Variants in NDUFS1 observed in about 807,000 individuals in gnomAD.
The protein encoded by NDUFS1 is NADH-ubiquinone oxidoreductase 75 kDa subunit, mitochondrial.
In NDUFS1, 61 loss-of-function variants were observed where a neutral mutation model predicts 84.4. The ratio of observed to expected loss-of-function variants is 0.72; its 90% CI spans 0.59 to 0.89. NDUFS1 has a LOEUF of 0.89. Ranked by LOEUF, NDUFS1 falls within the 40% of genes least tolerant of loss-of-function variation. NDUFS1 has a pLI of 0.00. For missense variants in NDUFS1, 891 were observed against 890.0 expected (o/e 1.00, Z -0.01); for synonymous variants, 275 against 290.0 (o/e 0.95, Z 0.53).
intron 1 of NDUFS1, among the ~76,000 whole-genome samples, chr2:206,156,296 G>T (rs1017533570): frequency 6.8e-6 from 1 of 146,942 alleles, no homozygotes; most frequent in Non-Finnish European, 1.5e-5. Context: ...AAATTGGACA[G>T]GAGAGGTGGC....
intron 14 of NDUFS1, among the ~76,000 whole-genome samples, chr2:206,130,586 C>T (rs989391738): frequency 2.0e-5 from 3 of 152,148 alleles, no homozygotes; most frequent in Non-Finnish European, 4.4e-5. Context: ...AACTCTTGAC[C>T]TCAGGTGATC....
chr2:206,127,766 G>T, intron 16 of NDUFS1, 31 bp downstream of exon 16: 1 of 1,608,078 alleles, frequency 6.2e-7, no homozygotes, highest in East Asian at 2.2e-5. Flanking sequence ...GCCTTTAGTA[G>T]CATCACTAAG....
rs780447984 is a variant in NDUFS1 at position 206,152,472 on chromosome 2, CTTCA to C, written c.96_99del (p.Ile32MetfsTer57). ...ATGACAGACTGACCATCAACAAATA[CTTCA>C]ATCAAGTTGCTTGCTGCTGTGGCAG... is the stretch of plus-strand genomic sequence containing the variant. On this transcript the variant is annotated frameshift_variant, in exon 3 of 19. Coordinates refer to ENST00000233190, the MANE Select transcript of NDUFS1 (RefSeq NM_005006.7). LOFTEE classifies it high-confidence loss of function. 1 of 1,614,114 alleles carries C rather than the reference CTTCA, an allele frequency of 6.2e-7. No individual in the cohort carries two copies. Among genetic ancestry groups the C allele is most frequent in the Non-Finnish European group, 8.5e-7 (1 of 1,179,992 alleles).
intron 10 of NDUFS1, among the ~76,000 whole-genome samples, chr2:206,143,634 T>C (rs1575978179): frequency 6.6e-6 from 1 of 151,460 alleles, no homozygotes; most frequent in Non-Finnish European, 1.5e-5. Flanking sequence ...CAGACTGGAG[T>C]GCAGTGGTGC....
Position 206,124,003 on chromosome 2 carries a change from T to G in NDUFS1, c.*182A>C, listed in dbSNP as rs750677493. ...TTATTTAACCTTTACACACAATACA[T>G]GTTTTTCAAACTGCAAAGTTGATAA... is the stretch of plus-strand genomic sequence containing the variant. On this transcript the variant is annotated 3_prime_UTR_variant, in exon 19 of 19. Coordinates refer to ENST00000233190, the MANE Select transcript of NDUFS1 (RefSeq NM_005006.7). The G allele has an allele frequency of 1.7e-6, 1 of 587,726 alleles. No homozygotes were observed. The highest frequency in any genetic ancestry group is 3.0e-6 in the Non-Finnish European group (1 of 333,232). The allele number at this position is 587,726 out of a possible 1,614,324, so 36.4% of individuals were successfully genotyped here. A position where few individuals can be genotyped will look rare whatever the true frequency, so the allele number is the denominator to read the frequency against.
At position 206,141,266 on chromosome 2, in the gene NDUFS1, C is replaced by T. The variant is rs143825382; in HGVS notation, c.1262+675G>A. On this transcript the variant is annotated intron_variant, in intron 12 of 18. Transcript: ENST00000233190. ...TCCATCTCTAAAAAATTAAAAAGGC[C>T]GGGCGCGGTGGCTCACACCTGTAAT... Among the ~76,000 whole-genome samples the T allele has an allele frequency of 5.0e-4, 76 of 151,872 alleles. No individual in the cohort carries two copies. The East Asian group carries it at 6.8e-3, about 14-fold the overall frequency.
At chr2:206,132,247 T>A (rs148934517) in intron 14 of NDUFS1, among the ~76,000 whole-genome samples, 1,657 of 152,232 alleles carry the variant, frequency 0.011, 20 homozygotes, top group Non-Finnish European at 0.018. Context: ...CACATATCTG[T>A]CTCTTTTCAA....
chr2:206,130,040 C>T, intron 15 of NDUFS1, 48 bp downstream of exon 15: 1 of 1,605,608 alleles, frequency 6.2e-7, no homozygotes, highest in East Asian at 2.2e-5. Context: ...TTCTAACATA[C>T]ATAATGTACT....
At position 206,115,912 on chromosome 2, in the gene NDUFS1, A is replaced by T; in HGVS notation, c.*8273T>A. The T allele has an allele frequency of 1.6e-6, 1 of 609,570 alleles. No individual in the cohort carries two copies. Among genetic ancestry groups the T allele is most frequent in the Non-Finnish European group, 3.0e-6 (1 of 335,432 alleles). The allele number at this position is 609,570 out of a possible 1,614,324, so 37.8% of individuals were successfully genotyped here. On this transcript the variant is annotated 3_prime_UTR_variant, in exon 19 of 19. Transcript: ENST00000233190. Reference sequence around the variant, plus strand: ...AGTCTAAAAATCATAGGATGTTGTGAAAAAGACACATATTATGTTTATCTA... The same window carrying T: ...AGTCTAAAAATCATAGGATGTTGTGTAAAAGACACATATTATGTTTATCTA...
At chr2:206,155,080 C>T (rs1476075884) in intron 1 of NDUFS1, among the ~76,000 whole-genome samples, 1 of 151,952 alleles carries the variant, frequency 6.6e-6, no homozygotes, top group Non-Finnish European at 1.5e-5. Flanking sequence ...CAGGCATGCA[C>T]AACCATGCCA....
At chr2:206,139,792 T>A (rs1006640043) in intron 12 of NDUFS1, among the ~76,000 whole-genome samples, 1 of 149,720 alleles carries the variant, frequency 6.7e-6, no homozygotes, top group Non-Finnish European at 1.5e-5. Flanking sequence ...ATAAACTATA[T>A]GGTTACCCTC....
rs975467015 is a variant in NDUFS1, at chr2:206,130,375, G to C, written c.1554-133C>G. 3.4e-6 allele frequency: 4 copies of C among 1,182,534 alleles called. No homozygotes were observed. The African/African-American group carries it at 6.2e-5, about 18-fold the overall frequency. 73.3% of individuals were successfully genotyped at this position (1,182,534 alleles called of 1,614,324 possible). A position where few individuals can be genotyped will look rare whatever the true frequency, so the allele number is the denominator to read the frequency against. ...TATTTTATTTTATTTTTTTCTCGGC[G>C]ATAGAGTCTCACTTTGTCGCCCAGG... On this transcript the variant is annotated intron_variant, in intron 14 of 18. Coordinates refer to ENST00000233190, the MANE Select transcript of NDUFS1 (RefSeq NM_005006.7).
At chr2:206,132,112 G>A (rs897016791) in intron 14 of NDUFS1, among the ~76,000 whole-genome samples, 4 of 151,802 alleles carry the variant, frequency 2.6e-5, no homozygotes, top group African/African-American at 9.7e-5. Flanking sequence ...GCAACAGAGT[G>A]AGACTCTGGT....
intron 18 of NDUFS1, among the ~76,000 whole-genome samples, chr2:206,125,788 T>G (rs989047187): frequency 2.0e-5 from 3 of 152,108 alleles, no homozygotes; most frequent in African/African-American, 7.2e-5. Flanking sequence ...GACTTATCTT[T>G]TCTGCACCTC....
chr2:206,135,525 T>C (rs1285735425), intron 13 of NDUFS1, among the ~76,000 whole-genome samples: 1 of 151,586 alleles, frequency 6.6e-6, no homozygotes. Flanking sequence ...ATAAAAAAAT[T>C]AGCTGGGCAT....
chr2:206,133,193 C>G, intron 13 of NDUFS1, 88 bp from the exon 14 acceptor site: 5 of 1,122,752 alleles, frequency 4.5e-6, no homozygotes, highest in Non-Finnish European at 6.4e-6. Flanking sequence ...TATAGGTTGT[C>G]CCAAGTCTTA....
At chr2:206,155,905 T>C (rs1687633281) in intron 1 of NDUFS1, among the ~76,000 whole-genome samples, 1 of 151,894 alleles carries the variant, frequency 6.6e-6, no homozygotes, top group Non-Finnish European at 1.5e-5. Flanking sequence ...CCTACTCACT[T>C]GATCATATAG....
intron 3 of NDUFS1, among the ~76,000 whole-genome samples, chr2:206,150,366 T>A (rs1559063301): frequency 6.6e-6 from 1 of 152,182 alleles, no homozygotes; most frequent in Non-Finnish European, 1.5e-5. Context: ...AGGACTCACC[T>A]CCCACTGTGG....
chr2:206,129,949 T>A (rs1691440187), intron 15 of NDUFS1, 139 bp downstream of exon 15: 4 of 884,204 alleles, frequency 4.5e-6, no homozygotes, highest in Non-Finnish European at 5.4e-6. Context: ...GTGGTTTGTT[T>A]AAAAAAAAAG....
Sources: gnomAD v4.1 joint callset for allele counts (sites outside exome capture counted in the v4.1 genomes callset) on GRCh38, gnomAD v4.1.1 for gene constraint, MANE v1.5 for transcripts, NCBI Gene and HGNC (gene_info 2026-07-23, HGNC 2026-07-21) for gene names.